The following SCD5 variants were observed in gnomAD, a reference collection of about 807,000 sequenced individuals.
SCD5 encodes acyl-CoA-desaturase 4.
A neutral mutation model predicts 30.4 loss-of-function variants in SCD5; 20 were observed. The observed-to-expected ratio is 0.66, with a 90% CI of 0.46 to 0.96. The LOEUF (loss-of-function observed/expected upper bound fraction) is 0.96, where lower values mean the gene tolerates loss of function less well. Ranked by LOEUF, SCD5 falls within the 40% of genes least tolerant of loss-of-function variation. The pLI, the probability that SCD5 is intolerant of heterozygous loss-of-function variation, is 0.00. For synonymous variants in SCD5, 173 were observed against 176.4 expected (o/e 0.98, Z 0.16); for missense variants, 381 against 443.3 (o/e 0.86, Z 1.26).
intron 1 of SCD5, among the ~76,000 whole-genome samples, chr4:82,747,071 C>CCCCCT (rs562117466): frequency 9.7e-6 from 1 of 103,102 alleles, no homozygotes; most frequent in Admixed American, 8.4e-5. Flanking sequence ...GGCAACCTGC[C>CCCCCT]CCCCAAGAAA....
chr4:82,687,061 C>T (rs535423536), intron 2 of SCD5, among the ~76,000 whole-genome samples: 3 of 151,822 alleles, frequency 2.0e-5, no homozygotes, highest in African/African-American at 7.2e-5. Flanking sequence ...ATCCCAGCTA[C>T]TCGGGTGGCT....
chr4:82,726,278 G>A lies in SCD5; in HGVS notation c.233-20865C>T, dbSNP rs181384174. On this transcript the variant is annotated intron_variant, in intron 1 of 4. Coordinates refer to ENST00000319540, the MANE Select transcript of SCD5 (RefSeq NM_001037582.3). ...ACTAAAAATACAAAATTAGCCGGGC[G>A]TGGTGGCTCGTGCCTGTAATCCCAG... is the stretch of plus-strand genomic sequence containing the variant. Among the ~76,000 whole-genome samples the A allele has an allele frequency of 8.3e-4, 126 of 152,170 alleles. No homozygotes were observed. The Middle Eastern group carries it at 0.01, about 12-fold the overall frequency.
At chr4:82,735,549 C>T (rs1720732082) in intron 1 of SCD5, among the ~76,000 whole-genome samples, 3 of 152,326 alleles carry the variant, frequency 2.0e-5, no homozygotes, top group South Asian at 4.1e-4. Flanking sequence ...AGTGCGAAAG[C>T]GCTCAAGGAG....
intron 1 of SCD5, among the ~76,000 whole-genome samples, chr4:82,727,977 G>A (rs1439547357): frequency 3.3e-5 from 5 of 152,046 alleles, no homozygotes; most frequent in Non-Finnish European, 5.9e-5. Context: ...CCAAAGTGTT[G>A]GGATTACAGG....
At chr4:82,672,967 G>A (rs1728359741) in intron 3 of SCD5, among the ~76,000 whole-genome samples, 1 of 151,972 alleles carries the variant, frequency 6.6e-6, no homozygotes, top group African/African-American at 2.4e-5. Context: ...AATAGATGCA[G>A]GAAAAGCATC....
rs544951275 is a variant in SCD5 at position 82,773,247 on chromosome 4, A to G, written c.232+25059T>C. Among the ~76,000 whole-genome samples, 135 of 152,332 alleles carry G rather than the reference A, an allele frequency of 8.9e-4. 1 individual carries two copies. The highest frequency in any genetic ancestry group is 3.4e-3 in the Middle Eastern group (1 of 294). ...TGGCCTTCAAGTCCCTAAAGACGAC[A>G]TAGTTGCAACAAGGATTTTAATTGC... is the stretch of plus-strand genomic sequence containing the variant. On this transcript the variant is annotated intron_variant, in intron 1 of 4. Coordinates refer to ENST00000319540, the MANE Select transcript of SCD5 (RefSeq NM_001037582.3).
intron 1 of SCD5, among the ~76,000 whole-genome samples, chr4:82,791,703 T>C (rs933549655): frequency 1.3e-5 from 2 of 151,948 alleles, no homozygotes; most frequent in African/African-American, 2.4e-5. Context: ...CAAAGAAACA[T>C]GGGACAGAGG....
At chr4:82,748,982 C>A (rs1304914517) in intron 1 of SCD5, among the ~76,000 whole-genome samples, 1 of 152,176 alleles carries the variant, frequency 6.6e-6, no homozygotes, top group East Asian at 1.9e-4. Context: ...GCCTCCGCCT[C>A]CCCTGAGCTC....
intron 1 of SCD5, among the ~76,000 whole-genome samples, chr4:82,772,398 A>G (rs1425878052): frequency 2.0e-5 from 3 of 152,234 alleles, no homozygotes; most frequent in African/African-American, 7.2e-5. Flanking sequence ...GGCCAATTAT[A>G]GCACCCCACC....
intron 3 of SCD5, among the ~76,000 whole-genome samples, chr4:82,677,470 T>TATCCCCACATATA (rs1203799149): frequency 6.6e-6 from 1 of 152,218 alleles, no homozygotes; most frequent in Non-Finnish European, 1.5e-5. Flanking sequence ...CTTCAGCTCC[T>TATCCCCACATATA]ATCCCCACAT....
chr4:82,666,142 T>A (rs1263309491), intron 3 of SCD5, among the ~76,000 whole-genome samples: 1 of 152,194 alleles, frequency 6.6e-6, no homozygotes, highest in Non-Finnish European at 1.5e-5. Context: ...TTATGAAAAC[T>A]TTCTCTACTT....
intron 1 of SCD5, among the ~76,000 whole-genome samples, chr4:82,786,790 C>CT (rs1560563535): frequency 4.9e-5 from 4 of 80,844 alleles, no homozygotes; most frequent in African/African-American, 1.4e-4. Context: ...GAGACTTTGC[C>CT]TTAAAAAAAA....
chr4:82,645,257 TGAGCCGAGATTGTGC>T, intron 3 of SCD5, among the ~76,000 whole-genome samples: 1 of 149,592 alleles, frequency 6.7e-6, no homozygotes, highest in Admixed American at 6.7e-5. Flanking sequence ...GAGATTGCAG[TGAGCCGAGATTGTGC>T]CACTGCACTC....
At chr4:82,791,807 AAACAAC>A (rs368698266) in intron 1 of SCD5, among the ~76,000 whole-genome samples, 74 of 152,174 alleles carry the variant, frequency 4.9e-4, no homozygotes, top group Non-Finnish European at 9.6e-4. Context: ...TAGATCCTTA[AAACAAC>A]AACAACAACA....
In SCD5 at chr4:82,763,981, T is replaced by A. The variant is rs1721432960; in HGVS notation, c.232+34325A>T. On this transcript the variant is annotated intron_variant, in intron 1 of 4. Transcript: ENST00000319540. ...AGCCACTCCAGCCTTCTTTGATTGA[T>A]GTTGCGTGATGTATCTTTTTCCATC... is the stretch of plus-strand genomic sequence containing the variant. Among the ~76,000 whole-genome samples, 2 of 152,372 alleles carry A rather than the reference T, an allele frequency of 1.3e-5. 1 individual carries two copies. Among genetic ancestry groups the A allele is most frequent in the South Asian group, 4.1e-4 (2 of 4,826 alleles).
chr4:82,772,238 CTG>C (rs1351447741), intron 1 of SCD5, among the ~76,000 whole-genome samples: 1 of 152,186 alleles, frequency 6.6e-6, no homozygotes, highest in African/African-American at 2.4e-5. Flanking sequence ...AAAGAACAGA[CTG>C]GAAGATGCTG....
At chr4:82,778,342 G>A (rs1311226367) in intron 1 of SCD5, among the ~76,000 whole-genome samples, 1 of 152,146 alleles carries the variant, frequency 6.6e-6, no homozygotes, top group East Asian at 1.9e-4. Context: ...CAAGGAGGGT[G>A]CTCGTACACT....
At chr4:82,666,038 T>C (rs1728178837) in intron 3 of SCD5, among the ~76,000 whole-genome samples, 1 of 152,204 alleles carries the variant, frequency 6.6e-6, no homozygotes, top group South Asian at 2.1e-4. Flanking sequence ...TTCTTATATT[T>C]TGTTTATATT....
At chr4:82,699,673 A>AT (rs1386163155) in intron 2 of SCD5, among the ~76,000 whole-genome samples, 2 of 128,100 alleles carry the variant, frequency 1.6e-5, no homozygotes, top group African/African-American at 3.0e-5. Flanking sequence ...ATTTTATTTT[A>AT]TTTTTTTGAG....
Sources: gnomAD v4.1 joint callset for allele counts (sites outside exome capture counted in the v4.1 genomes callset) on GRCh38, gnomAD v4.1.1 for gene constraint, MANE v1.5 for transcripts, NCBI Gene and HGNC (gene_info 2026-07-23, HGNC 2026-07-21) for gene names.